Variants in DSCAML1 observed in about 807,000 individuals in gnomAD.
DSCAML1 encodes the protein DS cell adhesion molecule like 1, also known as cell adhesion molecule DSCAML1.
A neutral mutation model predicts 200.5 loss-of-function variants in DSCAML1; 38 were observed. The observed-to-expected ratio is 0.19, with a 90% CI of 0.15 to 0.25. DSCAML1 has a LOEUF of 0.25. Ranked by LOEUF, DSCAML1 falls within the 10% of genes least tolerant of loss-of-function variation. The probability of loss-of-function intolerance (pLI) is 1.00; values close to 1 mark genes in which losing one functional copy is unlikely to be tolerated. For synonymous variants in DSCAML1, 1,215 were observed against 1,165.0 expected (o/e 1.04, Z -0.87); for missense variants, 2,223 against 2,858.8 (o/e 0.78, Z 5.07).
intron 11 of DSCAML1, among the ~76,000 whole-genome samples, chr11:117,494,710 T>C (rs571672652): frequency 9.8e-5 from 15 of 152,344 alleles, no homozygotes; most frequent in African/African-American, 3.6e-4. Context: ...GATGAGGTCA[T>C]ACCAGAGTAA....
intron 3 of DSCAML1, among the ~76,000 whole-genome samples, chr11:117,718,012 G>A (rs1392221337): frequency 6.6e-6 from 1 of 152,174 alleles, no homozygotes; most frequent in Non-Finnish European, 1.5e-5. Flanking sequence ...GTGTCAACAA[G>A]GCCCAGCTCA....
At chr11:117,568,436 C>T (rs1259716375) in intron 3 of DSCAML1, among the ~76,000 whole-genome samples, 2 of 152,328 alleles carry the variant, frequency 1.3e-5, no homozygotes, top group East Asian at 3.9e-4. Context: ...GTCAAATTGT[C>T]CCTGTTTGCA....
At chr11:117,643,710 C>G (rs948164557) in intron 3 of DSCAML1, among the ~76,000 whole-genome samples, 3 of 152,178 alleles carry the variant, frequency 2.0e-5, no homozygotes, top group South Asian at 4.2e-4. Context: ...CCCTCACTCC[C>G]CAGAAACAAT....
At chr11:117,589,998 G>T (rs2051226201) in intron 3 of DSCAML1, among the ~76,000 whole-genome samples, 1 of 151,758 alleles carries the variant, frequency 6.6e-6, no homozygotes. Flanking sequence ...TAAACTTCAG[G>T]GTTTGGGGTC....
At chr11:117,712,770 C>G (rs750998306) in intron 3 of DSCAML1, among the ~76,000 whole-genome samples, 4 of 152,028 alleles carry the variant, frequency 2.6e-5, no homozygotes, top group Non-Finnish European at 5.9e-5. Flanking sequence ...GGAAAAGTGA[C>G]GACCGTTCTC....
intron 11 of DSCAML1, among the ~76,000 whole-genome samples, chr11:117,500,686 A>C (rs2049378217): frequency 6.6e-6 from 1 of 152,228 alleles, no homozygotes. Flanking sequence ...GTGAGTGCTC[A>C]GGGAGCACCA....
chr11:117,447,541 CTTTTA>C (rs1254778206), intron 20 of DSCAML1, among the ~76,000 whole-genome samples: 1 of 152,098 alleles, frequency 6.6e-6, no homozygotes, highest in East Asian at 1.9e-4. Flanking sequence ...CCTCTCTATT[CTTTTA>C]TATGTTTTAC....
intron 3 of DSCAML1, among the ~76,000 whole-genome samples, chr11:117,755,946 G>A (rs1056728337): frequency 6.6e-6 from 1 of 152,184 alleles, no homozygotes; most frequent in Non-Finnish European, 1.5e-5. Context: ...TGTCCTGGGA[G>A]AAGGACGGTT....
intron 11 of DSCAML1, among the ~76,000 whole-genome samples, chr11:117,493,594 A>G (rs566843995): frequency 2.8e-4 from 42 of 151,970 alleles, no homozygotes; most frequent in Middle Eastern, 3.4e-3. Flanking sequence ...GATTACAGGC[A>G]TGAGCCACCG....
At chr11:117,461,302 C>G (rs568175664) in intron 18 of DSCAML1, 148 bp downstream of exon 18, 1 of 1,141,034 alleles carries the variant, frequency 8.8e-7, no homozygotes, top group Non-Finnish European at 1.2e-6. Flanking sequence ...ATTATCGCCC[C>G]CCGTGGTCTC....
chr11:117,652,594 G>T (rs570015513), intron 3 of DSCAML1, among the ~76,000 whole-genome samples: 1 of 152,366 alleles, frequency 6.6e-6, no homozygotes, highest in Admixed American at 6.5e-5. Flanking sequence ...AGAAGAGGTA[G>T]AGGAGAGATG....
At chr11:117,554,598 A>T (rs12804723) in intron 3 of DSCAML1, among the ~76,000 whole-genome samples, 11,713 of 152,160 alleles carry the variant, frequency 0.077, 562 homozygotes, top group East Asian at 0.11. Flanking sequence ...GCTGGTCTCG[A>T]ACTCCTGACC....
rs1172532215 is a variant in DSCAML1, at chr11:117,433,218, G to A, written c.4946C>T (p.Pro1649Leu). ...AATGTGTAGCCGTGGGCCCTGGGGTGGCCCTTTCACAGGGGTGTCAAAGCT... is the reference window on the plus strand; with the variant it reads ...AATGTGTAGCCGTGGGCCCTGGGGTAGCCCTTTCACAGGGGTGTCAAAGCT... ...NRSFDTPVKG[P>L]PQGPRLHIDI... is the part of the protein sequence containing the mutation. Residue 1649 changes from proline to leucine, a missense_variant, in exon 29 of 33, where the codon CCA (proline) becomes CTA (leucine). Transcript: ENST00000651296. 1 of 1,613,258 alleles carries A rather than the reference G, an allele frequency of 6.2e-7. No homozygotes were observed. Among genetic ancestry groups the A allele is most frequent in the African/African-American group, 1.3e-5 (1 of 74,856 alleles).
chr11:117,538,605 T>A (rs545646539), intron 3 of DSCAML1, among the ~76,000 whole-genome samples: 1 of 152,290 alleles, frequency 6.6e-6, no homozygotes, highest in South Asian at 2.1e-4. Flanking sequence ...TTTCTGTCTT[T>A]TTCTAAAAGG....
At chr11:117,536,038 T>G (rs2050161935) in intron 3 of DSCAML1, among the ~76,000 whole-genome samples, 1 of 149,594 alleles carries the variant, frequency 6.7e-6, no homozygotes, top group African/African-American at 2.4e-5. Flanking sequence ...CTTGTGCATA[T>G]TTAATTGCAG....
At chr11:117,670,184 A>C (rs565776199) in intron 3 of DSCAML1, among the ~76,000 whole-genome samples, 312 of 152,294 alleles carry the variant, frequency 2.0e-3, no homozygotes, top group African/African-American at 7.1e-3. Flanking sequence ...AAACAAACAA[A>C]TATATGCATA....
At chr11:117,548,701 C>T (rs2050421999) in intron 3 of DSCAML1, among the ~76,000 whole-genome samples, 1 of 152,120 alleles carries the variant, frequency 6.6e-6, no homozygotes, top group South Asian at 2.1e-4. Context: ...ACCGTTAGTT[C>T]TGGTTGGATC....
chr11:117,550,837 T>C (rs7951665), intron 3 of DSCAML1, among the ~76,000 whole-genome samples: 2,654 of 152,304 alleles, frequency 0.017, 75 homozygotes, highest in African/African-American at 0.059. Context: ...CCTCACCTCT[T>C]CTGACTCTGG....
chr11:117,697,629 C>G (rs1345165368), intron 3 of DSCAML1, among the ~76,000 whole-genome samples: 1 of 152,018 alleles, frequency 6.6e-6, no homozygotes, highest in Non-Finnish European at 1.5e-5. Context: ...AACCACCCTT[C>G]TATTTTCTGT....
Sources: allele counts gnomAD v4.1 joint callset (sites outside exome capture counted in the v4.1 genomes callset), GRCh38; gene constraint gnomAD v4.1.1; transcripts MANE v1.5; gene names NCBI Gene and HGNC (gene_info 2026-07-23, HGNC 2026-07-21).